The following NRXN1 variants were observed in gnomAD, a reference collection of about 807,000 sequenced individuals.
NRXN1 encodes neurexin-1.
NRXN1 carries 39 observed loss-of-function variants against 150.9 expected under a neutral mutation model. The observed-to-expected ratio is 0.26, with a 90% CI of 0.20 to 0.34. The LOEUF (loss-of-function observed/expected upper bound fraction) is 0.34. Ranked by LOEUF, NRXN1 falls within the 10% of genes least tolerant of loss-of-function variation. NRXN1 has a pLI of 1.00. For missense variants in NRXN1, 1,815 were observed against 1,949.9 expected, an observed-to-expected ratio of 0.93 and a Z score of 1.30; for synonymous variants, 924 against 757.0, an observed-to-expected ratio of 1.22 and a Z score of -3.62.
At chr2:50,738,744 C>T (rs1163125543) in intron 5 of NRXN1, among the ~76,000 whole-genome samples, 1 of 152,078 alleles carries the variant, frequency 6.6e-6, no homozygotes, top group Non-Finnish European at 1.5e-5. Flanking sequence ...TTGAGGCTCT[C>T]GGATATACTA....
chr2:50,159,213 T>C (rs947379435), intron 18 of NRXN1, among the ~76,000 whole-genome samples: 3 of 152,130 alleles, frequency 2.0e-5, no homozygotes, highest in Non-Finnish European at 4.4e-5. Flanking sequence ...TTACAGAATT[T>C]TACAATCATA....
chr2:50,940,203 C>T (rs528312707), intron 2 of NRXN1, among the ~76,000 whole-genome samples: 5 of 152,094 alleles, frequency 3.3e-5, no homozygotes, highest in East Asian at 1.9e-4. Flanking sequence ...CCAGGGCAGG[C>T]GTAGTGGCTC....
intron 5 of NRXN1, among the ~76,000 whole-genome samples, chr2:50,680,995 G>A (rs890768389): frequency 6.6e-6 from 1 of 152,058 alleles, no homozygotes; most frequent in Non-Finnish European, 1.5e-5. Context: ...AAAAAATTCT[G>A]TGTCTTCACA....
chr2:50,413,115 GA>G (rs1270558632), intron 17 of NRXN1, among the ~76,000 whole-genome samples: 1 of 152,126 alleles, frequency 6.6e-6, no homozygotes, highest in Non-Finnish European at 1.5e-5. Flanking sequence ...CTTCTGCACA[GA>G]AAAGGAAACA....
At chr2:50,505,667 A>C (rs1006480272) in intron 13 of NRXN1, among the ~76,000 whole-genome samples, 1 of 152,280 alleles carries the variant, frequency 6.6e-6, no homozygotes, top group South Asian at 2.1e-4. Context: ...TTGTTTCAAA[A>C]GTTTAAAATC....
At position 51,011,786 on chromosome 2, in the gene NRXN1, C is replaced by T. The variant is rs79770614; in HGVS notation, c.772+15716G>A. 4.4e-3 allele frequency among the ~76,000 whole-genome samples: 675 copies of T among 152,014 alleles called. 2 individuals are homozygous for T. Among genetic ancestry groups the T allele is most frequent in the Non-Finnish European group, 5.8e-3 (395 of 67,936 alleles). Reference sequence around the variant, plus strand: ...GTATTTTATCTTTCAGCCAAAGGAGCAGTACTATTTATAAAGGATCACTCC... The same window carrying T: ...GTATTTTATCTTTCAGCCAAAGGAGTAGTACTATTTATAAAGGATCACTCC... On this transcript the variant is annotated intron_variant, in intron 2 of 22. Coordinates refer to ENST00000401669, the MANE Select transcript of NRXN1 (RefSeq NM_001330078.2).
rs1225020360 is a variant in NRXN1 at position 50,838,244 on chromosome 2, T to C, written c.832+83625A>G. ...TTATAAACAGTGTAAAAAATATGTATGTAAGTCATGAAAATCATTCTGTTT... is the reference window on the plus strand; with the variant it reads ...TTATAAACAGTGTAAAAAATATGTACGTAAGTCATGAAAATCATTCTGTTT... On this transcript the variant is annotated intron_variant, in intron 5 of 22. Coordinates refer to ENST00000401669, the MANE Select transcript of NRXN1 (RefSeq NM_001330078.2). 3.3e-4 allele frequency among the ~76,000 whole-genome samples: 50 copies of C among 152,140 alleles called. 1 individual carries two copies. Among genetic ancestry groups the C allele is most frequent in the Admixed American group, 3.1e-3 (48 of 15,254 alleles).
intron 18 of NRXN1, among the ~76,000 whole-genome samples, chr2:50,146,922 T>C (rs2152766777): frequency 6.6e-6 from 1 of 151,880 alleles, no homozygotes; most frequent in South Asian, 2.1e-4. Context: ...CATTTATGCA[T>C]TCTAACACTC....
intron 17 of NRXN1, among the ~76,000 whole-genome samples, chr2:50,288,346 CA>C (rs2152940572): frequency 6.6e-6 from 1 of 152,080 alleles, no homozygotes; most frequent in South Asian, 2.1e-4. Flanking sequence ...AACCATCCTA[CA>C]ATGCACAAGA....
At chr2:50,386,732 C>T (rs1007951163) in intron 17 of NRXN1, among the ~76,000 whole-genome samples, 2 of 152,126 alleles carry the variant, frequency 1.3e-5, no homozygotes, top group African/African-American at 2.4e-5. Flanking sequence ...CAAACATATA[C>T]TTCCCAAGAA....
chr2:50,629,624 T>G (rs1236276101), intron 5 of NRXN1, among the ~76,000 whole-genome samples: 1 of 151,704 alleles, frequency 6.6e-6, no homozygotes, highest in Non-Finnish European at 1.5e-5. Flanking sequence ...TTCAATAAAA[T>G]GTTTGAATAA....
intron 10 of NRXN1, among the ~76,000 whole-genome samples, chr2:50,534,241 T>C (rs1177951325): frequency 6.6e-6 from 1 of 152,144 alleles, no homozygotes; most frequent in African/African-American, 2.4e-5. Context: ...TTCAGTACTG[T>C]GCATGAACGA....
chr2:50,149,282 C>T (rs2058556941), intron 18 of NRXN1, among the ~76,000 whole-genome samples: 1 of 151,556 alleles, frequency 6.6e-6, no homozygotes, highest in African/African-American at 2.4e-5. Flanking sequence ...TCAGAAATGG[C>T]TAAGCAAAAA....
intron 17 of NRXN1, among the ~76,000 whole-genome samples, chr2:50,366,309 T>C (rs932830315): frequency 6.6e-6 from 1 of 151,960 alleles, no homozygotes; most frequent in East Asian, 1.9e-4. Flanking sequence ...CTCCTATGAA[T>C]TACTAGGTAG....
chr2:50,167,407 C>T (rs190675394), intron 18 of NRXN1, among the ~76,000 whole-genome samples: 251 of 152,184 alleles, frequency 1.6e-3, no homozygotes, highest in African/African-American at 5.3e-3. Flanking sequence ...TGCCTCCCCC[C>T]CGCCTGTTAA....
At chr2:50,885,543 A>G (rs2103753189) in intron 5 of NRXN1, among the ~76,000 whole-genome samples, 1 of 151,480 alleles carries the variant, frequency 6.6e-6, no homozygotes, top group African/African-American at 2.4e-5. Context: ...AACTTCCAAA[A>G]TGAAATTTTC....
At chr2:50,779,477 A>C (rs1314587596) in intron 5 of NRXN1, among the ~76,000 whole-genome samples, 2 of 152,200 alleles carry the variant, frequency 1.3e-5, no homozygotes, top group Non-Finnish European at 2.9e-5. Context: ...GCAGCAATAA[A>C]AATATGTGTG....
intron 18 of NRXN1, among the ~76,000 whole-genome samples, chr2:50,098,110 T>G (rs1341094094): frequency 6.6e-6 from 1 of 152,100 alleles, no homozygotes; most frequent in Non-Finnish European, 1.5e-5. Flanking sequence ...CACCACCACA[T>G]CAAAAACAAG....
intron 9 of NRXN1, among the ~76,000 whole-genome samples, chr2:50,548,994 T>C (rs533194440): frequency 6.6e-6 from 1 of 152,290 alleles, no homozygotes; most frequent in African/African-American, 2.4e-5. Context: ...ATTATCTGTA[T>C]GTCAGAAAGG....
Sources: gnomAD v4.1 joint callset for allele counts (sites outside exome capture counted in the v4.1 genomes callset) on GRCh38, gnomAD v4.1.1 for gene constraint, MANE v1.5 for transcripts, NCBI Gene and HGNC (gene_info 2026-07-23, HGNC 2026-07-21) for gene names.